Variants in MPDZ observed in about 807,000 individuals in gnomAD.
MPDZ encodes the protein multiple PDZ domain crumbs cell polarity complex component.
Under a neutral mutation model 239.1 loss-of-function variants are expected in MPDZ, and 234 were observed. The ratio of observed to expected loss-of-function variants is 0.98; its 90% CI spans 0.88 to 1.09. The LOEUF (loss-of-function observed/expected upper bound fraction) is 1.09. Among genes scored for constraint, MPDZ ranks in the 50% least tolerant of loss-of-function variants. MPDZ has a pLI of 0.00. For missense variants in MPDZ, 3,175 were observed against 2,510.0 expected (o/e 1.26, Z -5.66); for synonymous variants, 1,048 against 881.3 (o/e 1.19, Z -3.35).
intron 14 of MPDZ, 41 bp downstream of exon 14, chr9:13,193,126 T>C (rs2135118188): frequency 7.0e-7 from 1 of 1,427,472 alleles, no homozygotes; most frequent in Non-Finnish European, 9.3e-7. Flanking sequence ...AGCTTTTCCA[T>C]GTCTTATTTA....
chr9:13,172,488 T>C (rs577232244), intron 21 of MPDZ, among the ~76,000 whole-genome samples: 2 of 151,784 alleles, frequency 1.3e-5, no homozygotes, highest in South Asian at 4.2e-4. Flanking sequence ...GTTCAAGGGA[T>C]TCTCCTGCCT....
rs186986800 is a variant in MPDZ, at chr9:13,248,032, G to C, written c.17-231C>G. Among the ~76,000 whole-genome samples the C allele has an allele frequency of 5.1e-3, 779 of 152,090 alleles. 2 individuals carry two copies. Among genetic ancestry groups the C allele is most frequent in the Middle Eastern group, 0.014 (4 of 294 alleles). On this transcript the variant is annotated intron_variant, in intron 2 of 46. Coordinates refer to ENST00000319217, the MANE Select transcript of MPDZ (RefSeq NM_001378778.1). ...ACTTGAGCTCAGGAGTTCGAGACCA[G>C]CCTGGCCAAAATGATGAAACCCCGT... is the stretch of plus-strand genomic sequence containing the variant.
At chr9:13,152,848 A>G (rs1949361446) in intron 24 of MPDZ, among the ~76,000 whole-genome samples, 1 of 152,144 alleles carries the variant, frequency 6.6e-6, no homozygotes, top group African/African-American at 2.4e-5. Context: ...TGTAAGCGCT[A>G]TGAGTATATT....
chr9:13,260,301 A>G (rs1337023046), intron 1 of MPDZ, among the ~76,000 whole-genome samples: 2 of 152,164 alleles, frequency 1.3e-5, no homozygotes, highest in Non-Finnish European at 2.9e-5. Flanking sequence ...AAGGAAAATA[A>G]AGGAAAATGG....
intron 3 of MPDZ, among the ~76,000 whole-genome samples, chr9:13,234,738 C>G (rs1419463875): frequency 2.0e-5 from 3 of 151,990 alleles, no homozygotes; most frequent in African/African-American, 7.2e-5. Flanking sequence ...ATTTGCTACA[C>G]CTTATTGTAA....
chr9:13,176,493 T>C (rs952550735), intron 19 of MPDZ, 76 bp from the exon 20 acceptor site: 7 of 1,140,544 alleles, frequency 6.1e-6, no homozygotes, highest in Non-Finnish European at 8.2e-6. Flanking sequence ...CATCACTTCT[T>C]AATGAACAAC....
At chr9:13,275,392 A>G (rs1257618412) in intron 1 of MPDZ, among the ~76,000 whole-genome samples, 1 of 152,220 alleles carries the variant, frequency 6.6e-6, no homozygotes, top group Non-Finnish European at 1.5e-5. Context: ...CAAGCCAAAG[A>G]GCGAGGCTTG....
chr9:13,264,307 A>G (rs1208640138), intron 1 of MPDZ, among the ~76,000 whole-genome samples: 3 of 152,158 alleles, frequency 2.0e-5, no homozygotes, highest in African/African-American at 7.2e-5. Flanking sequence ...TAGATACACA[A>G]CTTTTATAAA....
intron 19 of MPDZ, among the ~76,000 whole-genome samples, chr9:13,182,842 T>C (rs953945200): frequency 6.6e-6 from 1 of 152,116 alleles, no homozygotes. Flanking sequence ...ATTTCTAAAA[T>C]ATAAATGGCA....
At chr9:13,247,549 G>C in intron 3 of MPDZ, 86 bp downstream of exon 3, 1 of 1,438,054 alleles carries the variant, frequency 7.0e-7, no homozygotes, top group African/African-American at 1.4e-5. Flanking sequence ...TTAACACATA[G>C]AAAAATCAGC....
intron 38 of MPDZ, chr9:13,120,517 C>T (rs1944182909): frequency 6.6e-6 from 1 of 152,120 alleles, no homozygotes; most frequent in African/African-American, 2.4e-5. Context: ...CCATGTTACC[C>T]ATGTCATATT....
intron 23 of MPDZ, among the ~76,000 whole-genome samples, chr9:13,160,318 T>C (rs1038899977): frequency 6.6e-6 from 1 of 152,090 alleles, no homozygotes; most frequent in Non-Finnish European, 1.5e-5. Flanking sequence ...AAAATGCATA[T>C]CCATGTGTTC....
chr9:13,228,380 G>C (rs1468996862), intron 3 of MPDZ, among the ~76,000 whole-genome samples: 1 of 151,944 alleles, frequency 6.6e-6, no homozygotes, highest in Non-Finnish European at 1.5e-5. Context: ...CTATGTGAAA[G>C]GGCAAACTAA....
chr9:13,175,732 G>A lies in MPDZ; in HGVS notation c.3055+20C>T, dbSNP rs1317520064. 1 of 1,562,574 alleles carries A rather than the reference G, an allele frequency of 6.4e-7. No homozygotes were observed. The highest frequency in any genetic ancestry group is 1.2e-5 in the South Asian group (1 of 85,046). On this transcript the variant is annotated intron_variant, in intron 21 of 46. Transcript: ENST00000319217. ...CAAGGGGGTTGAGGAGTAGGTATAT[G>A]AGGAAAATGAGAAACTTACCTAGGC...
intron 1 of MPDZ, among the ~76,000 whole-genome samples, chr9:13,252,568 C>A (rs369003234): frequency 1.1e-3 from 148 of 129,690 alleles, no homozygotes; most frequent in Middle Eastern, 4.1e-3. Context: ...CTGTCCCCCG[C>A]AAAAAAAAAA....
At chr9:13,131,468 T>C (rs1380328382) in intron 32 of MPDZ, among the ~76,000 whole-genome samples, 3 of 152,082 alleles carry the variant, frequency 2.0e-5, no homozygotes. Context: ...AGTTAAACGG[T>C]GTAGAAAAAC....
chr9:13,133,706 A>G (rs1946347725), intron 32 of MPDZ, 118 bp downstream of exon 32: 2 of 637,154 alleles, frequency 3.1e-6, no homozygotes, highest in East Asian at 6.5e-5. Context: ...AGTTCTAACA[A>G]AACCTCAGAT....
At chr9:13,167,528 G>C (rs1439984827) in intron 22 of MPDZ, among the ~76,000 whole-genome samples, 1 of 152,052 alleles carries the variant, frequency 6.6e-6, no homozygotes, top group Non-Finnish European at 1.5e-5. Context: ...AGAGAATGTA[G>C]TCAGTAAAAT....
intron 12 of MPDZ, among the ~76,000 whole-genome samples, chr9:13,202,449 G>C (rs564291630): frequency 2.0e-5 from 3 of 152,254 alleles, no homozygotes; most frequent in Admixed American, 2.0e-4. Context: ...TCTTTCCACA[G>C]ATTGTACCCC....
Sources: gnomAD v4.1 joint callset for allele counts (sites outside exome capture counted in the v4.1 genomes callset) on GRCh38, gnomAD v4.1.1 for gene constraint, MANE v1.5 for transcripts, NCBI Gene and HGNC (gene_info 2026-07-23, HGNC 2026-07-21) for gene names.